The following DAB1 variants were observed in gnomAD, a reference collection of about 807,000 sequenced individuals.
DAB1 encodes disabled homolog 1.
In DAB1, 15 loss-of-function variants were observed where a neutral mutation model predicts 64.6. The observed-to-expected ratio is 0.23, with a 90% CI of 0.16 to 0.36. The LOEUF is 0.36. Ranked by LOEUF, DAB1 falls within the 10% of genes least tolerant of loss-of-function variation. The pLI is 1.00. For synonymous variants in DAB1, 235 were observed against 251.9 expected (o/e 0.93, Z 0.64); for missense variants, 596 against 706.7 (o/e 0.84, Z 1.78).
At chr1:58,424,274 TG>T (rs575523475) in intron 3 of DAB1, among the ~76,000 whole-genome samples, 67 of 152,310 alleles carry the variant, frequency 4.4e-4, no homozygotes, top group African/African-American at 1.5e-3. Flanking sequence ...TTCAACTGAG[TG>T]GATGAGGCCC....
chr1:57,689,456 A>C (rs1646737894), intron 6 of DAB1, among the ~76,000 whole-genome samples: 1 of 152,204 alleles, frequency 6.6e-6, no homozygotes, highest in Non-Finnish European at 1.5e-5. Flanking sequence ...GAGTGTGAAA[A>C]GGAAGATTCC....
intron 1 of DAB1, chr1:57,863,313 A>G (rs1483729953): frequency 6.6e-6 from 1 of 152,150 alleles, no homozygotes; most frequent in South Asian, 2.1e-4. Context: ...AAGGAACATA[A>G]GAAAACTTTG....
intron 1 of DAB1, among the ~76,000 whole-genome samples, chr1:57,844,375 C>A (rs1653185822): frequency 6.6e-6 from 1 of 152,146 alleles, no homozygotes; most frequent in Admixed American, 6.5e-5. Flanking sequence ...TGAATCTTAT[C>A]CAGAAGAATT....
chr1:57,007,135 TTA>T (rs1226195972), intron 14 of DAB1, among the ~76,000 whole-genome samples: 9 of 152,160 alleles, frequency 5.9e-5, no homozygotes, highest in Non-Finnish European at 1.3e-4. Context: ...AGGTAATATG[TTA>T]TATGTCTTGC....
intron 5 of DAB1, among the ~76,000 whole-genome samples, chr1:58,058,034 A>G (rs1648249322): frequency 6.6e-6 from 1 of 152,038 alleles, no homozygotes; most frequent in South Asian, 2.1e-4. Flanking sequence ...ACATTGCACA[A>G]CAGTTGCAAC....
At chr1:57,676,602 T>A (rs374524815) in intron 6 of DAB1, among the ~76,000 whole-genome samples, 2 of 152,174 alleles carry the variant, frequency 1.3e-5, no homozygotes, top group Non-Finnish European at 2.9e-5. Flanking sequence ...CAGAAAACGA[T>A]AACTATTGGC....
At chr1:57,623,121 T>C (rs1173123061) in intron 7 of DAB1, among the ~76,000 whole-genome samples, 3 of 152,166 alleles carry the variant, frequency 2.0e-5, no homozygotes, top group Non-Finnish European at 4.4e-5. Context: ...TTGAAATCCG[T>C]GTTGGCATGC....
At chr1:58,362,972 T>C (rs1231392439) in intron 3 of DAB1, among the ~76,000 whole-genome samples, 1 of 152,214 alleles carries the variant, frequency 6.6e-6, no homozygotes. Flanking sequence ...AGGGTTCAAT[T>C]TCTGGCTTGC....
intron 7 of DAB1, among the ~76,000 whole-genome samples, chr1:57,464,751 A>G (rs1686899505): frequency 6.6e-6 from 1 of 152,218 alleles, no homozygotes; most frequent in South Asian, 2.1e-4. Flanking sequence ...TGGGAAAAAG[A>G]CAGTCGATTG....
intron 4 of DAB1, among the ~76,000 whole-genome samples, chr1:57,117,229 T>G (rs531919743): frequency 6.6e-6 from 1 of 152,232 alleles, no homozygotes; most frequent in African/African-American, 2.4e-5. Flanking sequence ...CGCTTTTCAA[T>G]TGGCAAGGAC....
At chr1:57,713,585 G>A (rs138073841) in intron 6 of DAB1, among the ~76,000 whole-genome samples, 1 of 152,138 alleles carries the variant, frequency 6.6e-6, no homozygotes, top group Non-Finnish European at 1.5e-5. Flanking sequence ...AATGCAAATT[G>A]GTTGTTAGAG....
intron 2 of DAB1, among the ~76,000 whole-genome samples, chr1:57,284,827 T>C (rs1272446154): frequency 6.6e-6 from 1 of 152,134 alleles, no homozygotes; most frequent in Non-Finnish European, 1.5e-5. Flanking sequence ...AGTGTGACAT[T>C]ACTGAAACCA....
chr1:57,251,268 G>T (rs1398090011), intron 2 of DAB1, among the ~76,000 whole-genome samples: 1 of 152,196 alleles, frequency 6.6e-6, no homozygotes, highest in East Asian at 1.9e-4. Context: ...GCTGCAAGAA[G>T]AATGGCTTTG....
rs147531171 is a variant in DAB1, at chr1:58,505,853, C to A, written n.257+207G>T. ...AACCTTCACTATTAAGAAAAGTCAA[C>A]TGTACATAGTAATTTATTCTCCAAG... On this transcript the variant is annotated intron_variant and non_coding_transcript_variant, in intron 3 of 20. Coordinates refer to the DAB1 transcript ENST00000485760. Among the ~76,000 whole-genome samples, 793 of 152,248 alleles carry A rather than the reference C, an allele frequency of 5.2e-3. 10 individuals carry two copies. The highest frequency in any genetic ancestry group is 0.018 in the African/African-American group (742 of 41,534).
At chr1:57,308,006 C>T (rs544928919) in intron 1 of DAB1, among the ~76,000 whole-genome samples, 2 of 152,296 alleles carry the variant, frequency 1.3e-5, no homozygotes, top group East Asian at 3.9e-4. Flanking sequence ...GGTCACTAAC[C>T]TGAATAATAG....
chr1:58,526,399 T>A (rs7520008), intron 2 of DAB1, among the ~76,000 whole-genome samples: 47,248 of 151,880 alleles, frequency 0.31, 7,778 homozygotes, highest in Middle Eastern at 0.42. Context: ...AAAGGATCAA[T>A]TAAAACTTGA....
intron 4 of DAB1, among the ~76,000 whole-genome samples, chr1:58,228,103 G>C (rs1054199150): frequency 6.6e-6 from 1 of 152,150 alleles, no homozygotes; most frequent in African/African-American, 2.4e-5. Context: ...TGGTATCCGA[G>C]ATGAAAAAGA....
intron 1 of DAB1, among the ~76,000 whole-genome samples, chr1:57,312,988 C>T (rs760889150): frequency 6.6e-6 from 1 of 151,974 alleles, no homozygotes; most frequent in Non-Finnish European, 1.5e-5. Flanking sequence ...CCTGGGTGGG[C>T]CTGAACACTT....
chr1:58,250,134 C>G (rs1660738556), intron 4 of DAB1, among the ~76,000 whole-genome samples: 1 of 152,164 alleles, frequency 6.6e-6, no homozygotes, highest in Admixed American at 6.5e-5. Flanking sequence ...TCGCCAGGTC[C>G]GGGCAGCGCC....
Sources: gnomAD v4.1 joint callset for allele counts (sites outside exome capture counted in the v4.1 genomes callset) on GRCh38, gnomAD v4.1.1 for gene constraint, MANE v1.5 for transcripts, NCBI Gene and HGNC (gene_info 2026-07-23, HGNC 2026-07-21) for gene names.